The following HUWE1 variants were observed in gnomAD, a reference collection of about 807,000 sequenced individuals.
HUWE1 encodes the protein HECT, UBA and WWE domain containing E3 ubiquitin protein ligase 1, also known as E3 ubiquitin-protein ligase HUWE1.
A neutral mutation model predicts 299.4 loss-of-function variants in HUWE1; 18 were observed. The ratio of observed to expected loss-of-function variants is 0.06; its 90% CI spans 0.04 to 0.09. The LOEUF (loss-of-function observed/expected upper bound fraction) is 0.09. Ranked by LOEUF, HUWE1 falls within the 10% of genes least tolerant of loss-of-function variation. The pLI, the probability that HUWE1 is intolerant of heterozygous loss-of-function variation, is 1.00. For synonymous variants in HUWE1, 1,317 were observed against 1,286.1 expected (o/e 1.02, Z -0.51); for missense variants, 1,832 against 3,462.3 (o/e 0.53, Z 11.82).
intron 51 of HUWE1, 130 bp from the exon 52 acceptor site, chrX:53,563,951 A>C (rs959932701): frequency 1.6e-4 from 120 of 741,419 alleles, no homozygotes; most frequent in Non-Finnish European, 2.0e-5. Flanking sequence ...GTTACGTGAA[A>C]CCACACATTC....
chrX:53,621,544 C>G (rs782432029), intron 19 of HUWE1, among the ~76,000 whole-genome samples: 3 of 107,242 alleles, frequency 2.8e-5, no homozygotes, highest in Non-Finnish European at 3.8e-5. Flanking sequence ...CCAGCCTTGA[C>G]GCTAACACCC....
At position 53,581,006 on chromosome X, in the gene HUWE1, T is replaced by C. The variant is rs1556967014; in HGVS notation, c.5541A>G (p.Thr1847=). The C allele has an allele frequency of 4.1e-6, 5 of 1,206,123 alleles. No individual in the cohort carries two copies. Among genetic ancestry groups the C allele is most frequent in the Non-Finnish European group, 5.6e-6 (5 of 891,795 alleles). Residue 1847 remains threonine, a synonymous_variant, in exon 43 of 84, where the codon ACA becomes ACG. Coordinates refer to ENST00000262854, the MANE Select transcript of HUWE1 (RefSeq NM_031407.7). The stretch of plus-strand genomic sequence containing the variant: ...CAGAGGTAGTGCTACCAGCTCCACT[T>C]GTAGCTGCTGAGCGAACAACCTAGT... ...TMEKVVRSAA[T]SGAGSTTSGV...
Position 53,603,382 on chromosome X carries a change from C to G in HUWE1, c.2862G>C (p.Leu954=), listed in dbSNP as rs1449366464. Residue 954 remains leucine (L), a synonymous_variant, in exon 27 of 84, where the codon CTG becomes CTC. Coordinates refer to ENST00000262854, the MANE Select transcript of HUWE1 (RefSeq NM_031407.7). ...LVWESTVLLS[L]CTPNSLPSGC... The stretch of plus-strand genomic sequence containing the variant: ...CATTCTCTTACCTGTTTGGGGTACA[C>G]AGAGAGAGGAGGACAGTGCTTTCCC... The G allele has an allele frequency of 6.6e-6, 8 of 1,207,136 alleles. No homozygotes were observed. The highest frequency in any genetic ancestry group is 7.8e-6 in the Non-Finnish European group (7 of 893,421).
chrX:53,542,376 A>T (rs782627758), intron 74 of HUWE1, 67 bp downstream of exon 74: 26 of 713,727 alleles, frequency 3.6e-5, no homozygotes, highest in Non-Finnish European at 5.0e-5. Context: ...GGAGCAGGGG[A>T]TTCAGCAGAC....
At chrX:53,683,959 T>C in intron 2 of HUWE1, 1 of 279,969 alleles carries the variant, frequency 3.6e-6, no homozygotes, top group African/African-American at 2.8e-5. Flanking sequence ...GCCGAAGACC[T>C]TGCCGCCGCC....
chrX:53,588,734 T>C (rs1556975811), intron 36 of HUWE1, among the ~76,000 whole-genome samples, 200 bp from the exon 37 acceptor site: 2 of 112,091 alleles, frequency 1.8e-5, no homozygotes, highest in Non-Finnish European at 3.8e-5. Context: ...CACTAAACAA[T>C]TACTTTATTA....
chrX:53,658,626 T>C (rs2068858842), intron 3 of HUWE1, among the ~76,000 whole-genome samples: 1 of 111,324 alleles, frequency 9.0e-6, no homozygotes, highest in African/African-American at 3.3e-5. Context: ...GATAGTTTTT[T>C]CAACAAATGG....
In HUWE1 at chrX:53,590,448, G is replaced by A; in HGVS notation, c.4147C>T (p.Leu1383=). ...TGATCCATTGGAATATCCTGTCCCAGAGACATAGCAATTGCTCTCATCATC... is the reference window on the plus strand; with the variant it reads ...TGATCCATTGGAATATCCTGTCCCAAAGACATAGCAATTGCTCTCATCATC... The part of the protein sequence containing the change: ...DQMMRAIAMS[L]GQDIPMDQRA... Residue 1383 remains leucine (L), a synonymous_variant, in exon 35 of 84, where the codon CTG becomes TTG. Coordinates refer to ENST00000262854, the MANE Select transcript of HUWE1 (RefSeq NM_031407.7). 8.3e-7 allele frequency: 1 copy of A among 1,208,999 alleles called. No individual in the cohort carries two copies. The highest frequency in any genetic ancestry group is 1.1e-6 in the Non-Finnish European group (1 of 892,909).
intron 24 of HUWE1, 44 bp from the exon 25 acceptor site, chrX:53,607,743 G>T: frequency 1.1e-6 from 1 of 885,495 alleles, no homozygotes; most frequent in Non-Finnish European, 1.6e-6. Context: ...CCTGACAGGT[G>T]GAACTAAATG....
rs1259857339 is a variant in HUWE1 at position 53,627,661 on chromosome X, T to C, written c.1383+78A>G. 3.0e-6 allele frequency: 3 copies of C among 1,001,631 alleles called. No homozygotes were observed. The African/African-American group carries it at 5.7e-5, about 19-fold the overall frequency. The allele number at this position is 1,001,631 out of a possible 1,213,427, so 82.5% of individuals were successfully genotyped here. A position where few individuals can be genotyped will look rare whatever the true frequency, so the allele number is the denominator to read the frequency against. Reference sequence around the variant, plus strand: ...AACAGAAGAGACTGTAAGATCGCTCTTTAGGGTTATCAGGACAATCCTTAG... The same window carrying C: ...AACAGAAGAGACTGTAAGATCGCTCCTTAGGGTTATCAGGACAATCCTTAG... On this transcript the variant is annotated intron_variant, in intron 16 of 83. Transcript: ENST00000262854.
At chrX:53,606,129 AAAAATGTTTGTG>A (rs2065140193) in intron 25 of HUWE1, among the ~76,000 whole-genome samples, 1 of 112,201 alleles carries the variant, frequency 8.9e-6, no homozygotes, top group Non-Finnish European at 1.9e-5. Flanking sequence ...TATCAAGATT[AAAAATGTTTGTG>A]AATCCAAAGA....
chrX:53,588,771 T>C (rs1299305660), intron 36 of HUWE1, among the ~76,000 whole-genome samples: 1 of 112,170 alleles, frequency 8.9e-6, no homozygotes, highest in Non-Finnish European at 1.9e-5. Context: ...GCCTAAAATC[T>C]AAGTTAAAGG....
rs1556980063 is a variant in HUWE1 at position 53,592,460 on chromosome X, T to C, written c.3910A>G (p.Thr1304Ala). The C allele has an allele frequency of 8.3e-7, 1 of 1,211,229 alleles. No homozygotes were observed. The highest frequency in any genetic ancestry group is 3.0e-5 in the East Asian group (1 of 33,829). The change falls in exon 33 of 84, where the codon ACA becomes GCA. Residue 1304 changes from threonine (T) to alanine (A), a missense_variant. Coordinates refer to ENST00000262854, the MANE Select transcript of HUWE1 (RefSeq NM_031407.7). ...EKEGSRGEEDTGQEEGGSRRE... is the reference protein window; with the variant it reads ...EKEGSRGEEDAGQEEGGSRRE... ...CGGGAGCCACCTTCCTCTTGCCCTGTATCCTCTTCTCCTCGAGACCCCTCC... is the reference window on the plus strand; with the variant it reads ...CGGGAGCCACCTTCCTCTTGCCCTGCATCCTCTTCTCCTCGAGACCCCTCC...
intron 81 of HUWE1, among the ~76,000 whole-genome samples, chrX:53,535,086 G>A (rs1602475917): frequency 1.8e-5 from 2 of 110,504 alleles, no homozygotes; most frequent in Admixed American, 9.6e-5. Context: ...ACAGGCGCAC[G>A]CTGCCACACT....
chrX:53,548,391 G>T, intron 67 of HUWE1, 118 bp from the exon 68 acceptor site: 1 of 842,656 alleles, frequency 1.2e-6, no homozygotes, highest in African/African-American at 2.0e-5. Context: ...GTAAATATTG[G>T]GGGATATGTC....
chrX:53,647,499 T>C lies in HUWE1; in HGVS notation c.220A>G (p.Asn74Asp). Residue 74 changes from asparagine (N) to aspartate (D), a missense_variant, in exon 6 of 84, where the codon AAT (asparagine) becomes GAT (aspartate). Coordinates refer to ENST00000262854, the MANE Select transcript of HUWE1 (RefSeq NM_031407.7). ...TCACATACGAGCATCCATGACATAT[T>C]CTCCACTGTCTGTCCAGCATCTGCC... is the stretch of plus-strand genomic sequence containing the variant. ...ILADAGQTVE[N>D]MSWMLVCDRP... 8.3e-7 allele frequency: 1 copy of C among 1,207,496 alleles called. No homozygotes were observed. Among genetic ancestry groups the C allele is most frequent in the South Asian group, 1.8e-5 (1 of 56,884 alleles).
rs1206601955 is a variant in HUWE1, at chrX:53,584,349, G to C, written c.5002-4C>G. The C allele has an allele frequency of 8.3e-7, 1 of 1,198,839 alleles. No homozygotes were observed. Among genetic ancestry groups the C allele is most frequent in the Non-Finnish European group, 1.1e-6 (1 of 886,423 alleles). On this transcript the variant is annotated splice_polypyrimidine_tract_variant and splice_region_variant and intron_variant, in intron 40 of 83. Coordinates refer to ENST00000262854, the MANE Select transcript of HUWE1 (RefSeq NM_031407.7). ...GGTTCCCTGTTTCCTCATTAACCTA[G>C]GAATTCAAACAGACATTAAAAAAAC...
At chrX:53,656,029 G>A (rs1407322956) in intron 3 of HUWE1, among the ~76,000 whole-genome samples, 2 of 111,427 alleles carry the variant, frequency 1.8e-5, no homozygotes, top group African/African-American at 6.5e-5. Context: ...GAGGATGGGC[G>A]CAGTGGCTCA....
chrX:53,568,393 G>C (rs1487171192), intron 49 of HUWE1, among the ~76,000 whole-genome samples: 3 of 110,692 alleles, frequency 2.7e-5, no homozygotes, highest in Non-Finnish European at 5.7e-5. Context: ...GGAATACAGT[G>C]TCTACTTCTT....
Sources: gnomAD v4.1 joint callset for allele counts (sites outside exome capture counted in the v4.1 genomes callset) on GRCh38, gnomAD v4.1.1 for gene constraint, MANE v1.5 for transcripts, NCBI Gene and HGNC (gene_info 2026-07-23, HGNC 2026-07-21) for gene names.